TMTC1: variants seen among roughly 807,000 people sequenced by gnomAD.
TMTC1 encodes the protein transmembrane O-mannosyltransferase targeting cadherins 1.
A neutral mutation model predicts 104.8 loss-of-function variants in TMTC1; 73 were observed. The observed-to-expected ratio is 0.70, with a 90% confidence interval of 0.58 to 0.85. TMTC1 has a LOEUF of 0.85. Among genes scored for constraint, TMTC1 ranks in the 40% least tolerant of loss-of-function variants. The pLI is 0.00. For synonymous variants in TMTC1, 434 were observed against 428.7 expected (o/e 1.01, Z -0.15); for missense variants, 1,035 against 1,096.1 (o/e 0.94, Z 0.79).
intron 5 of TMTC1, among the ~76,000 whole-genome samples, chr12:29,702,432 C>A (rs746165166): frequency 3.9e-5 from 6 of 152,168 alleles, no homozygotes; most frequent in Non-Finnish European, 7.3e-5. Context: ...TGGACTTGGG[C>A]CTCCATTCCT....
intron 5 of TMTC1, among the ~76,000 whole-genome samples, chr12:29,662,353 T>C (rs146465772): frequency 6.6e-6 from 1 of 152,206 alleles, no homozygotes; most frequent in East Asian, 1.9e-4. Context: ...CTATCCACCT[T>C]GAGGATTGCT....
At chr12:29,706,130 C>A (rs149698345) in intron 5 of TMTC1, among the ~76,000 whole-genome samples, 1 of 152,054 alleles carries the variant, frequency 6.6e-6, no homozygotes, top group Non-Finnish European at 1.5e-5. Context: ...AAGGGATGCA[C>A]GGAATTTTAC....
Position 29,704,001 on chromosome 12 carries a change from C to A in TMTC1, c.938+47665G>T, listed in dbSNP as rs553968292. Among the ~76,000 whole-genome samples, 3 of 152,246 alleles carry A rather than the reference C, an allele frequency of 2.0e-5. No homozygotes were observed. In the South Asian group the frequency reaches 6.2e-4, roughly 32 times the overall value. ...GTCAGGTTTTTCCCATGAGACCTCC[C>A]CAGCCATGTGAAACTGTGAGTCCAT... is the stretch of plus-strand genomic sequence containing the variant. On this transcript the variant is annotated intron_variant, in intron 5 of 17. Transcript: ENST00000539277.
At chr12:29,621,538 C>A (rs1043780442) in intron 6 of TMTC1, among the ~76,000 whole-genome samples, 1 of 152,202 alleles carries the variant, frequency 6.6e-6, no homozygotes, top group African/African-American at 2.4e-5. Flanking sequence ...CTTGGTCTAT[C>A]CTACCGTATT....
At chr12:29,718,273 C>G (rs1189785465) in intron 5 of TMTC1, among the ~76,000 whole-genome samples, 3 of 152,144 alleles carry the variant, frequency 2.0e-5, no homozygotes, top group Admixed American at 6.5e-5. Flanking sequence ...GGCTTTTCAT[C>G]TGAGGGGAAG....
chr12:29,536,440 A>G (rs764632702), intron 10 of TMTC1, 123 bp from the exon 11 acceptor site: 6 of 666,142 alleles, frequency 9.0e-6, no homozygotes, highest in Non-Finnish European at 1.6e-5. Flanking sequence ...CTCTGGATTT[A>G]TTGCAAATGA....
At chr12:29,547,291 T>C (rs750615474) in intron 10 of TMTC1, among the ~76,000 whole-genome samples, 5 of 152,110 alleles carry the variant, frequency 3.3e-5, no homozygotes, top group Non-Finnish European at 5.9e-5. Flanking sequence ...ACTGCAGTCA[T>C]TACAAAAGGA....
intron 8 of TMTC1, 133 bp from the exon 9 acceptor site, chr12:29,572,351 A>G (rs1305111513): frequency 5.4e-6 from 4 of 737,072 alleles, no homozygotes; most frequent in Non-Finnish European, 8.7e-6. Flanking sequence ...ATTGTAGCCT[A>G]CAAGGCTTCC....
rs187949939 is a variant in TMTC1, at chr12:29,523,022, A to G, written c.1786-2302T>C. On this transcript the variant is annotated intron_variant, in intron 11 of 17. Transcript: ENST00000539277. ...TAGAAGCTAGGTTTTCAGTGGGCCA[A>G]TGGGGAATTGGGGAGCCCTGAATAA... Among the ~76,000 whole-genome samples the G allele has an allele frequency of 5.8e-3, 876 of 152,316 alleles. 5 individuals are homozygous for G. Among genetic ancestry groups the G allele is most frequent in the Non-Finnish European group, 8.2e-3 (556 of 68,016 alleles).
chr12:29,747,818 C>A (rs572943703), intron 5 of TMTC1, among the ~76,000 whole-genome samples: 4 of 152,308 alleles, frequency 2.6e-5, no homozygotes, highest in Admixed American at 2.6e-4. Flanking sequence ...TTAGTCCTGA[C>A]AACCAGCATT....
At chr12:29,581,513 T>C (rs2136324584) in intron 8 of TMTC1, among the ~76,000 whole-genome samples, 1 of 152,334 alleles carries the variant, frequency 6.6e-6, no homozygotes, top group Non-Finnish European at 1.5e-5. Context: ...CATACTTCCA[T>C]CTAAAACAAT....
intron 9 of TMTC1, among the ~76,000 whole-genome samples, chr12:29,565,996 G>A (rs1428288792): frequency 6.6e-6 from 1 of 152,204 alleles, no homozygotes; most frequent in Non-Finnish European, 1.5e-5. Flanking sequence ...AGTTTACTGG[G>A]TAGAGGAGGG....
chr12:29,539,474 A>G (rs1429199739), intron 10 of TMTC1, among the ~76,000 whole-genome samples: 1 of 152,138 alleles, frequency 6.6e-6, no homozygotes, highest in Non-Finnish European at 1.5e-5. Context: ...CTCTGCTTTC[A>G]TATATAAAAA....
chr12:29,519,910 C>T (rs1944100551), intron 12 of TMTC1: 1 of 152,200 alleles, frequency 6.6e-6, no homozygotes. Context: ...CCCCTTTAAG[C>T]ATTTCATATT....
chr12:29,634,309 G>C (rs556818943), intron 5 of TMTC1, among the ~76,000 whole-genome samples: 1 of 152,256 alleles, frequency 6.6e-6, no homozygotes, highest in African/African-American at 2.4e-5. Flanking sequence ...CATTCCTATG[G>C]AATGTAATCA....
Position 29,604,286 on chromosome 12 carries a change from T to C in TMTC1, c.1142A>G (p.Lys381Arg). The C allele has an allele frequency of 6.2e-7, 1 of 1,614,048 alleles. No homozygotes were observed. The highest frequency in any genetic ancestry group is 8.5e-7 in the Non-Finnish European group (1 of 1,179,888). The change falls in exon 7 of 18, where the codon AAG becomes AGG. Residue 381 changes from lysine to arginine, a missense_variant. Lys to Arg is a conservative substitution (Grantham distance 26). Transcript: ENST00000539277. ...GAACAACAAGCCGACTAAAACCTCCTTGTGCTCCAGTCTCTGAAACACACA... is the reference window on the plus strand; with the variant it reads ...GAACAACAAGCCGACTAAAACCTCCCTGTGCTCCAGTCTCTGAAACACACA... ...CLAAFKRLEH[K>R]EVLVGLLFLV... is the part of the protein sequence containing the mutation.
chr12:29,747,825 C>A lies in TMTC1; in HGVS notation c.938+3841G>T, dbSNP rs145574386. On this transcript the variant is annotated intron_variant, in intron 5 of 17. Transcript: ENST00000539277. ...AAATGCTTTTAGTCCTGACAACCAG[C>A]ATTTCACCCTTTGAGAGATGAGAAA... Among the ~76,000 whole-genome samples, 13 of 152,302 alleles carry A rather than the reference C, an allele frequency of 8.5e-5. No individual in the cohort carries two copies. The East Asian group carries it at 1.5e-3, about 18-fold the overall frequency.
In TMTC1 at chr12:29,556,909, G is replaced by A; in HGVS notation, c.1624C>T (p.Gln542Ter). 6.2e-7 allele frequency: 1 copy of A among 1,614,076 alleles called. No individual in the cohort carries two copies. The highest frequency in any genetic ancestry group is 8.5e-7 in the Non-Finnish European group (1 of 1,179,952). The change falls in exon 10 of 18, where the codon CAG becomes TAG. Residue 542 changes from glutamine to a stop codon, truncating the protein, a stop_gained. Coordinates refer to ENST00000539277, the MANE Select transcript of TMTC1 (RefSeq NM_001193451.2). LOFTEE classifies it high-confidence loss of function. ...GCCCGGTTATGCTGTGGATGGAGCT[G>A]GAGAGCCCTCTGATAGTACATCTTT... is the stretch of plus-strand genomic sequence containing the variant. ...EAKMYYQRAL[Q>*]LHPQHNRALF...
chr12:29,694,743 C>T (rs1298957439), intron 5 of TMTC1, among the ~76,000 whole-genome samples: 1 of 152,040 alleles, frequency 6.6e-6, no homozygotes, highest in African/African-American at 2.4e-5. Context: ...AGCTCGAGAC[C>T]AGCCTGGCCA....
Sources: gnomAD v4.1 joint callset for allele counts (sites outside exome capture counted in the v4.1 genomes callset) on GRCh38, gnomAD v4.1.1 for gene constraint, MANE v1.5 for transcripts, NCBI Gene and HGNC (gene_info 2026-07-23, HGNC 2026-07-21) for gene names.